INSR: variants seen among roughly 807,000 people sequenced by gnomAD.
The protein encoded by INSR is IR.
A neutral mutation model predicts 142.6 loss-of-function variants in INSR; 67 were observed. The ratio of observed to expected loss-of-function variants is 0.47; its 90% CI spans 0.39 to 0.58. INSR has a LOEUF of 0.58. INSR is among the 20% of genes least tolerant of loss of function. INSR has a pLI of 0.00. For missense variants in INSR, 1,248 were observed against 1,833.2 expected, an observed-to-expected ratio of 0.68 and a Z score of 5.83; for synonymous variants, 756 against 743.1, an observed-to-expected ratio of 1.02 and a Z score of -0.28.
intron 14 of INSR, among the ~76,000 whole-genome samples, chr19:7,130,123 C>A (rs1972740855): frequency 6.6e-6 from 1 of 152,144 alleles, no homozygotes; most frequent in Non-Finnish European, 1.5e-5. Context: ...CCCTCCACCT[C>A]CTGAAGTGGT....
In INSR at chr19:7,263,044, G is replaced by A. The variant is rs533897203; in HGVS notation, c.652+4301C>T. Among the ~76,000 whole-genome samples, 3 of 152,284 alleles carry A rather than the reference G, an allele frequency of 2.0e-5. No individual in the cohort carries two copies. In the South Asian group the frequency reaches 6.2e-4, roughly 32 times the overall value. ...TGTAATCCCAGCACTTTGCGAGGCT[G>A]AGGTGGGTGTATTGCTCGAGGCCAG... is the stretch of plus-strand genomic sequence containing the variant. On this transcript the variant is annotated intron_variant, in intron 2 of 21. Coordinates refer to ENST00000302850, the MANE Select transcript of INSR (RefSeq NM_000208.4).
At chr19:7,273,132 A>G (rs1967969853) in intron 1 of INSR, among the ~76,000 whole-genome samples, 1 of 152,200 alleles carries the variant, frequency 6.6e-6, no homozygotes, top group African/African-American at 2.4e-5. Context: ...AAATGGGTGA[A>G]TTGTATGTCA....
chr19:7,193,327 C>T (rs1176378019), intron 2 of INSR, among the ~76,000 whole-genome samples: 8 of 152,002 alleles, frequency 5.3e-5, no homozygotes, highest in African/African-American at 1.9e-4. Context: ...TCCTGACCAA[C>T]ATGGTGAGAC....
intron 21 of INSR, among the ~76,000 whole-genome samples, chr19:7,118,831 T>C (rs1349191326): frequency 7.8e-5 from 11 of 140,820 alleles, no homozygotes; most frequent in Non-Finnish European, 1.5e-4. Context: ...AAGAGAATGG[T>C]GTGAACCCGG....
chr19:7,253,499 G>A (rs536683646), intron 2 of INSR, among the ~76,000 whole-genome samples: 4 of 151,370 alleles, frequency 2.6e-5, no homozygotes, highest in East Asian at 4.0e-4. Flanking sequence ...CAGCCTCCCC[G>A]AGTGCTGGGA....
At position 7,267,341 on chromosome 19, in the gene INSR, G is replaced by A. The variant is rs892704113; in HGVS notation, c.652+4C>T. On this transcript the variant is annotated splice_donor_region_variant and intron_variant, in intron 2 of 21. Transcript: ENST00000302850. This position sits in a 1 kb window ranked among gnomAD's most constrained non-coding sequence, Gnocchi z 6.3. ...CTGCTTAGAACCCTGTATCCCCGGCGTACCTTTCTGGCAGTGACTATGAGT... is the reference window on the plus strand; with the variant it reads ...CTGCTTAGAACCCTGTATCCCCGGCATACCTTTCTGGCAGTGACTATGAGT... 2.5e-6 allele frequency: 4 copies of A among 1,613,874 alleles called. No homozygotes were observed. Among genetic ancestry groups the A allele is most frequent in the Non-Finnish European group, 3.4e-6 (4 of 1,179,882 alleles).
rs1973704542 is a variant in INSR, at chr19:7,159,890, C to A, written c.2029+3142G>T. Among the ~76,000 whole-genome samples the A allele has an allele frequency of 6.6e-6, 1 of 152,228 alleles. No homozygotes were observed. The highest frequency in any genetic ancestry group is 6.5e-5 in the Admixed American group (1 of 15,270). On this transcript the variant is annotated intron_variant, in intron 9 of 21. Transcript: ENST00000302850. The surrounding 1 kb of genome is among the most constrained non-coding windows in gnomAD (Gnocchi z 4.3). ...GCAAATGTTGAGCTCCTGGCCTCAG[C>A]CACACCTCGCCAGTGGCCCCCTGGC...
chr19:7,272,309 T>G (rs1455280297), intron 1 of INSR, among the ~76,000 whole-genome samples: 1 of 151,076 alleles, frequency 6.6e-6, no homozygotes, highest in Non-Finnish European at 1.5e-5. Flanking sequence ...CGTCTCTAAA[T>G]AAATAAATAA....
chr19:7,221,615 G>T (rs559743495), intron 2 of INSR, among the ~76,000 whole-genome samples: 13 of 152,110 alleles, frequency 8.5e-5, no homozygotes, highest in African/African-American at 3.1e-4. Flanking sequence ...CGCTGAGGCA[G>T]GAGAATCGCT....
intron 3 of INSR, among the ~76,000 whole-genome samples, chr19:7,178,430 T>C (rs12608547): frequency 0.2 from 30,944 of 151,944 alleles, 3,508 homozygotes; most frequent in South Asian, 0.25. Context: ...ATTAAAACTC[T>C]GGATACTGGG....
In INSR at chr19:7,254,947, C is replaced by T. The variant is rs186670571; in HGVS notation, c.652+12398G>A. Among the ~76,000 whole-genome samples, 9 of 152,236 alleles carry T rather than the reference C, an allele frequency of 5.9e-5. No homozygotes were observed. In the East Asian group the frequency reaches 1.7e-3, roughly 29 times the overall value. The stretch of plus-strand genomic sequence containing the variant: ...CCATTACGATGGATTTTAACTCTAC[C>T]CGCCTTCTTCCCAAAAGGATTGGGC... On this transcript the variant is annotated intron_variant, in intron 2 of 21. Transcript: ENST00000302850.
At chr19:7,218,360 G>A (rs1192025582) in intron 2 of INSR, among the ~76,000 whole-genome samples, 1 of 151,920 alleles carries the variant, frequency 6.6e-6, no homozygotes, top group Non-Finnish European at 1.5e-5. Flanking sequence ...CAGGGAGTGA[G>A]GAAATTTCAT....
intron 1 of INSR, among the ~76,000 whole-genome samples, chr19:7,291,088 T>C (rs1233926034): frequency 2.0e-5 from 3 of 151,624 alleles, no homozygotes; most frequent in African/African-American, 7.3e-5. Flanking sequence ...AAAAGCCATA[T>C]TGGTTGACAT....
chr19:7,129,019 AT>A (rs1450723761), intron 14 of INSR, 65 bp from the exon 15 acceptor site: 7 of 1,328,994 alleles, frequency 5.3e-6, no homozygotes, highest in Non-Finnish European at 7.6e-6. Flanking sequence ...CACATCAAAA[AT>A]CACATCCACT....
chr19:7,183,286 G>C (rs1010225397), intron 3 of INSR, among the ~76,000 whole-genome samples: 9 of 151,784 alleles, frequency 5.9e-5, no homozygotes, highest in Non-Finnish European at 1.3e-4. Flanking sequence ...GTGTGTGTGT[G>C]TGTGTGTGTG....
rs1484966728 is a variant in INSR at position 7,114,574 on chromosome 19, C to T, written c.*2482G>A. 2.0e-5 allele frequency: 3 copies of T among 152,618 alleles called. No individual in the cohort carries two copies. The highest frequency in any genetic ancestry group is 2.1e-4 in the South Asian group (1 of 4,836). The allele number at this position is 152,618 out of a possible 1,614,324, so 9.5% of individuals were successfully genotyped here. A position where few individuals can be genotyped will look rare whatever the true frequency, so the allele number is the denominator to read the frequency against. On this transcript the variant is annotated 3_prime_UTR_variant, in exon 22 of 22. Coordinates refer to ENST00000302850, the MANE Select transcript of INSR (RefSeq NM_000208.4). The stretch of plus-strand genomic sequence containing the variant: ...TGGCATTCGAATCAGCTGATACACA[C>T]GTTCCCTGATTCAGACCGGTTCCAG...
Position 7,148,838 on chromosome 19 carries a change from A to G in INSR, c.2267+1659T>C, listed in dbSNP as rs184438638. ...GAGACGGAGTCTCGCTCTGTGGCCC[A>G]GGCTGGAGTGCAGTGGCACGATCTT... is the stretch of plus-strand genomic sequence containing the variant. On this transcript the variant is annotated intron_variant, in intron 11 of 21. Coordinates refer to ENST00000302850, the MANE Select transcript of INSR (RefSeq NM_000208.4). Among the ~76,000 whole-genome samples, 1,325 of 151,542 alleles carry G rather than the reference A, an allele frequency of 8.7e-3. 31 individuals are homozygous for G. The highest frequency in any genetic ancestry group is 0.074 in the East Asian group (375 of 5,096).
intron 2 of INSR, among the ~76,000 whole-genome samples, chr19:7,187,301 C>T (rs1599964525): frequency 4.0e-5 from 6 of 151,690 alleles, no homozygotes; most frequent in Admixed American, 1.3e-4. Context: ...AGGCTGGTCT[C>T]GAACTCCTGA....
chr19:7,133,072 G>C (rs919811161), intron 13 of INSR, among the ~76,000 whole-genome samples: 1 of 151,976 alleles, frequency 6.6e-6, no homozygotes, highest in Admixed American at 6.6e-5. Flanking sequence ...GACCAACCTG[G>C]GCAACATAGC....
Sources: allele counts gnomAD v4.1 joint callset (sites outside exome capture counted in the v4.1 genomes callset), GRCh38; gene constraint gnomAD v4.1.1; non-coding constraint Gnocchi (gnomAD v3.1); transcripts MANE v1.5; gene names NCBI Gene and HGNC (gene_info 2026-07-23, HGNC 2026-07-21).